Variants in MYO9A observed in about 807,000 individuals in gnomAD.
MYO9A encodes unconventional myosin-IXa.
Under a neutral mutation model 293.3 loss-of-function variants are expected in MYO9A, and 103 were observed. The observed-to-expected ratio is 0.35, with a 90% CI of 0.30 to 0.41. The LOEUF is 0.41. MYO9A is among the 10% of genes least tolerant of loss of function. MYO9A has a pLI of 1.00. For synonymous variants in MYO9A, 1,001 were observed against 1,035.7 expected, an observed-to-expected ratio of 0.97 and a Z score of 0.64; for missense variants, 2,685 against 3,033.0, an observed-to-expected ratio of 0.89 and a Z score of 2.69.
chr15:71,841,203 A>G (rs2055146884), intron 39 of MYO9A, among the ~76,000 whole-genome samples: 2 of 152,048 alleles, frequency 1.3e-5, no homozygotes, highest in Non-Finnish European at 1.5e-5. Flanking sequence ...TTATTTCTTT[A>G]TTTTATATCT....
intron 17 of MYO9A, 170 bp downstream of exon 17, chr15:71,935,171 T>C (rs145911332): frequency 1.8e-5 from 12 of 654,970 alleles, no homozygotes; most frequent in Non-Finnish European, 2.7e-5. Flanking sequence ...ACACATGAGA[T>C]TCATGGCTGT....
chr15:71,889,207 A>T lies in MYO9A; in HGVS notation c.5143-1091T>A, dbSNP rs80042751. Among the ~76,000 whole-genome samples, 88 of 152,288 alleles carry T rather than the reference A, an allele frequency of 5.8e-4. No homozygotes were observed. In the East Asian group the frequency reaches 0.013, roughly 23 times the overall value. On this transcript the variant is annotated intron_variant, in intron 26 of 41. Coordinates refer to ENST00000356056, the MANE Select transcript of MYO9A (RefSeq NM_006901.4). ...AGGTCCACATTGAATGTTCAGCTTGAGTACTAATCAACACTTTGTATGAGA... is the reference window on the plus strand; with the variant it reads ...AGGTCCACATTGAATGTTCAGCTTGTGTACTAATCAACACTTTGTATGAGA...
Position 71,915,243 on chromosome 15 carries a change from G to T in MYO9A, c.2685+1127C>A, listed in dbSNP as rs201524112. ...TCTGGATTGTGAGGACAGAAGCAAGGTAAAGACAGACTTCCCCAAGCACTA... is the reference window on the plus strand; with the variant it reads ...TCTGGATTGTGAGGACAGAAGCAAGTTAAAGACAGACTTCCCCAAGCACTA... On this transcript the variant is annotated intron_variant, in intron 19 of 41. Transcript: ENST00000356056. 1.4e-3 allele frequency among the ~76,000 whole-genome samples: 209 copies of T among 152,036 alleles called. 2 individuals are homozygous for T. The East Asian group carries it at 0.039, about 29-fold the overall frequency.
At chr15:71,867,339 G>T (rs1035538486) in intron 32 of MYO9A, among the ~76,000 whole-genome samples, 1 of 151,990 alleles carries the variant, frequency 6.6e-6, no homozygotes, top group African/African-American at 2.4e-5. Context: ...CTGAAGTGAG[G>T]AAAGTCTTAA....
chr15:72,051,272 T>C (rs2078554365), intron 1 of MYO9A, among the ~76,000 whole-genome samples: 1 of 152,036 alleles, frequency 6.6e-6, no homozygotes, highest in African/African-American at 2.4e-5. Flanking sequence ...CCAGCTGCAG[T>C]GGGGGAGGTG....
At chr15:72,081,594 G>A (rs964236735) in intron 1 of MYO9A, among the ~76,000 whole-genome samples, 1 of 152,146 alleles carries the variant, frequency 6.6e-6, no homozygotes, top group African/African-American at 2.4e-5. Context: ...TGCTTTTGGT[G>A]TCTTCGTCAT....
chr15:71,878,705 G>T (rs12907359), intron 30 of MYO9A, among the ~76,000 whole-genome samples: 2,017 of 147,624 alleles, frequency 0.014, 21 homozygotes, highest in East Asian at 0.025. Flanking sequence ...GCAAGGAACT[G>T]AAATAGAATT....
chr15:71,938,151 T>C (rs2058685419), intron 16 of MYO9A, among the ~76,000 whole-genome samples: 1 of 152,098 alleles, frequency 6.6e-6, no homozygotes, highest in African/African-American at 2.4e-5. Flanking sequence ...GACAATTATG[T>C]ATTAGAAAGA....
At chr15:72,109,707 G>C (rs1407213766) in intron 1 of MYO9A, among the ~76,000 whole-genome samples, 1 of 151,942 alleles carries the variant, frequency 6.6e-6, no homozygotes, top group Non-Finnish European at 1.5e-5. Flanking sequence ...TGGCCAATAT[G>C]GTGAAACCCT....
At chr15:72,100,918 T>C (rs1472356470) in intron 1 of MYO9A, among the ~76,000 whole-genome samples, 3 of 87,248 alleles carry the variant, frequency 3.4e-5, no homozygotes, top group Non-Finnish European at 7.0e-5. Context: ...GGGAGGGAGG[T>C]GGGGGGGGTC....
intron 6 of MYO9A, among the ~76,000 whole-genome samples, chr15:72,017,891 G>A (rs890058027): frequency 6.6e-6 from 1 of 151,956 alleles, no homozygotes; most frequent in Non-Finnish European, 1.5e-5. Context: ...AAAAATTTTT[G>A]TGTTCTTTAT....
At chr15:71,975,720 G>C (rs2147716778) in intron 12 of MYO9A, among the ~76,000 whole-genome samples, 1 of 152,264 alleles carries the variant, frequency 6.6e-6, no homozygotes, top group East Asian at 1.9e-4. Context: ...GAGAGGCCAA[G>C]AAGAATCTAG....
intron 32 of MYO9A, among the ~76,000 whole-genome samples, chr15:71,867,495 A>G (rs1341784763): frequency 6.6e-6 from 1 of 152,076 alleles, no homozygotes; most frequent in Non-Finnish European, 1.5e-5. Flanking sequence ...TATATCACAG[A>G]CAAAGGGTAA....
chr15:71,997,073 G>A (rs372910869), intron 9 of MYO9A, among the ~76,000 whole-genome samples: 1 of 152,190 alleles, frequency 6.6e-6, no homozygotes, highest in Non-Finnish European at 1.5e-5. Flanking sequence ...AAGTTGCTAA[G>A]TTGCTTACAT....
chr15:72,088,050 GAA>G (rs2079797766), intron 1 of MYO9A, among the ~76,000 whole-genome samples: 1 of 152,206 alleles, frequency 6.6e-6, no homozygotes, highest in African/African-American at 2.4e-5. Context: ...AAAGGTCATG[GAA>G]GGATACGGCA....
rs576059047 is a variant in MYO9A, at chr15:71,827,528, C to T, written c.7183+356G>A. On this transcript the variant is annotated intron_variant, in intron 41 of 41. Coordinates refer to ENST00000356056, the MANE Select transcript of MYO9A (RefSeq NM_006901.4). ...TAAATTACCAAAAAACAAAACAAAA[C>T]AAAACAAAAAACAAAAAACTCAATC... 7.6e-4 allele frequency among the ~76,000 whole-genome samples: 115 copies of T among 151,508 alleles called. 1 individual carries two copies. The highest frequency in any genetic ancestry group is 2.7e-3 in the African/African-American group (112 of 41,130).
At chr15:71,945,585 T>C (rs2058892690) in intron 15 of MYO9A, among the ~76,000 whole-genome samples, 1 of 152,194 alleles carries the variant, frequency 6.6e-6, no homozygotes, top group South Asian at 2.1e-4. Context: ...CAATTTTCTA[T>C]AATTACTTGG....
chr15:71,866,405 CTGTA>C (rs1298259983), intron 32 of MYO9A, among the ~76,000 whole-genome samples: 1 of 152,076 alleles, frequency 6.6e-6, no homozygotes, highest in Non-Finnish European at 1.5e-5. Flanking sequence ...TGGTGTGTGC[CTGTA>C]GTCTGAGCTA....
intron 1 of MYO9A, among the ~76,000 whole-genome samples, chr15:72,097,980 A>G (rs570810717): frequency 6.6e-6 from 1 of 152,264 alleles, no homozygotes; most frequent in Non-Finnish European, 1.5e-5. Flanking sequence ...CACTGAAACT[A>G]TAAGATCATT....
Sources: allele counts gnomAD v4.1 joint callset (sites outside exome capture counted in the v4.1 genomes callset), GRCh38; gene constraint gnomAD v4.1.1; transcripts MANE v1.5; gene names NCBI Gene and HGNC (gene_info 2026-07-23, HGNC 2026-07-21).